EXOC2: variants seen among roughly 807,000 people sequenced by gnomAD.
EXOC2 encodes the protein SEC5-like 1.
In EXOC2, 70 loss-of-function variants were observed where a neutral mutation model predicts 131.8. The ratio of observed to expected loss-of-function variants is 0.53; its 90% CI spans 0.44 to 0.65. The LOEUF is 0.65. Ranked by LOEUF, EXOC2 falls within the 30% of genes least tolerant of loss-of-function variation. The probability of loss-of-function intolerance (pLI) is 0.00; values close to 1 mark genes in which losing one functional copy is unlikely to be tolerated. For missense variants in EXOC2, 923 were observed against 1,108.6 expected (o/e 0.83, Z 2.38); for synonymous variants, 411 against 398.4 (o/e 1.03, Z -0.38).
In EXOC2 at chr6:486,016, GAAAGCTC is replaced by G. The variant is rs1163989554; in HGVS notation, c.*648_*654del. The stretch of plus-strand genomic sequence containing the variant: ...CGACAAATTAAGAGTGAGTGAGAAT[GAAAGCTC>G]ATGCTTAGCCCTGTGAAAAATAAAA... On this transcript the variant is annotated 3_prime_UTR_variant, in exon 28 of 28. Coordinates refer to ENST00000230449, the MANE Select transcript of EXOC2 (RefSeq NM_018303.6). 2 of 152,254 alleles carry G rather than the reference GAAAGCTC, an allele frequency of 1.3e-5. No individual in the cohort carries two copies. The highest frequency in any genetic ancestry group is 4.8e-5 in the African/African-American group (2 of 41,464). The allele number at this position is 152,254 out of a possible 1,614,324, so 9.4% of individuals were successfully genotyped here.
At chr6:528,877 G>T (rs774996416) in intron 23 of EXOC2, among the ~76,000 whole-genome samples, 1 of 152,184 alleles carries the variant, frequency 6.6e-6, no homozygotes, top group Non-Finnish European at 1.5e-5. Context: ...CAGGATTCTG[G>T]GTACCTTAAA....
chr6:534,451 G>GAGAGAC (rs1362937079), intron 22 of EXOC2, among the ~76,000 whole-genome samples: 3 of 151,796 alleles, frequency 2.0e-5, no homozygotes. Flanking sequence ...GAGAGAGAGA[G>GAGAGAC]AGAGACAGAG....
intron 3 of EXOC2, among the ~76,000 whole-genome samples, chr6:631,247 A>G (rs1286709172): frequency 3.9e-5 from 6 of 152,212 alleles, no homozygotes; most frequent in African/African-American, 1.2e-4. Flanking sequence ...TCAGTTCAAG[A>G]AAGCTTTACT....
At chr6:616,513 G>A (rs1761011376) in intron 6 of EXOC2, among the ~76,000 whole-genome samples, 1 of 142,424 alleles carries the variant, frequency 7.0e-6, no homozygotes, top group Non-Finnish European at 1.5e-5. Context: ...TGAGGCAGGA[G>A]AATGGCGTGA....
chr6:590,450 G>A (rs1431880906), intron 11 of EXOC2, among the ~76,000 whole-genome samples: 1 of 152,170 alleles, frequency 6.6e-6, no homozygotes, highest in African/African-American at 2.4e-5. Flanking sequence ...AACTATGCTA[G>A]AAAGAAACAA....
chr6:686,832 A>G (rs986050974), intron 1 of EXOC2, among the ~76,000 whole-genome samples: 11 of 152,230 alleles, frequency 7.2e-5, no homozygotes, highest in Admixed American at 6.5e-4. Context: ...GCCACTGGAC[A>G]TTGATGACAT....
intron 23 of EXOC2, among the ~76,000 whole-genome samples, chr6:502,137 A>G (rs1196393192): frequency 2.0e-5 from 3 of 152,170 alleles, no homozygotes; most frequent in Non-Finnish European, 2.9e-5. Context: ...CAGCTCATGT[A>G]GACGCACAGG....
chr6:658,645 T>TTG (rs1223267048), intron 1 of EXOC2, among the ~76,000 whole-genome samples: 2 of 118,348 alleles, frequency 1.7e-5, no homozygotes, highest in Non-Finnish European at 3.5e-5. Context: ...TATATATATT[T>TTG]TATATATATA....
intron 1 of EXOC2, among the ~76,000 whole-genome samples, chr6:646,449 T>C (rs1347542272): frequency 6.6e-6 from 1 of 152,176 alleles, no homozygotes; most frequent in African/African-American, 2.4e-5. Context: ...AGGAGTTACT[T>C]TTACTATTCT....
chr6:573,314 G>A (rs1252613833), intron 12 of EXOC2, among the ~76,000 whole-genome samples: 2 of 152,226 alleles, frequency 1.3e-5, no homozygotes, highest in East Asian at 3.8e-4. Context: ...TAAAGCAAGT[G>A]TAGAAATTCA....
At chr6:530,502 T>A (rs1482738814) in intron 23 of EXOC2, among the ~76,000 whole-genome samples, 1 of 152,142 alleles carries the variant, frequency 6.6e-6, no homozygotes, top group African/African-American at 2.4e-5. Context: ...TCTGGGAGCA[T>A]CACGAATGGA....
chr6:524,493 T>C (rs1765641006), intron 23 of EXOC2, among the ~76,000 whole-genome samples: 1 of 152,220 alleles, frequency 6.6e-6, no homozygotes, highest in Non-Finnish European at 1.5e-5. Flanking sequence ...ATTGTTACAA[T>C]TTTTTGTTCC....
At chr6:554,889 A>G (rs1479286311) in intron 20 of EXOC2, among the ~76,000 whole-genome samples, 1 of 152,212 alleles carries the variant, frequency 6.6e-6, no homozygotes, top group East Asian at 1.9e-4. Context: ...AGCAAGAGCA[A>G]TGGTGCCTCC....
chr6:677,048 C>T lies in EXOC2; in HGVS notation c.-44+15971G>A, dbSNP rs1161077470. ...TCAACATTACGGAAAGGACAGCTTTCTCTGGAGACTCTGCGGTTCCCCATA... is the reference window on the plus strand; with the variant it reads ...TCAACATTACGGAAAGGACAGCTTTTTCTGGAGACTCTGCGGTTCCCCATA... On this transcript the variant is annotated intron_variant, in intron 1 of 27. Transcript: ENST00000230449. 6.8e-3 allele frequency among the ~76,000 whole-genome samples: 372 copies of T among 54,402 alleles called. 22 individuals are homozygous for T. In the East Asian group the frequency reaches 0.083, roughly 12 times the overall value. 35.7% of individuals were successfully genotyped at this position (54,402 alleles called of 152,430 possible).
chr6:516,020 CTG>C (rs1765144303), intron 23 of EXOC2, among the ~76,000 whole-genome samples: 2 of 152,170 alleles, frequency 1.3e-5, no homozygotes, highest in Admixed American at 1.3e-4. Flanking sequence ...CAGCTGTCTA[CTG>C]TGAGGCATGT....
At chr6:605,441 G>A (rs1760351413) in intron 7 of EXOC2, among the ~76,000 whole-genome samples, 1 of 152,216 alleles carries the variant, frequency 6.6e-6, no homozygotes, top group Non-Finnish European at 1.5e-5. Context: ...GAGGGTGTAT[G>A]TGTCCAGGAA....
intron 11 of EXOC2, 34 bp downstream of exon 11, chr6:592,435 G>C: frequency 6.5e-7 from 1 of 1,545,592 alleles, no homozygotes; most frequent in Non-Finnish European, 8.9e-7. Context: ...TGACATGAAG[G>C]AATCACACAA....
intron 22 of EXOC2, among the ~76,000 whole-genome samples, chr6:546,293 T>A (rs1026113201): frequency 1.1e-4 from 16 of 152,202 alleles, no homozygotes; most frequent in Non-Finnish European, 1.8e-4. Context: ...GGACGCTCCC[T>A]GTTGGCACAT....
intron 11 of EXOC2, among the ~76,000 whole-genome samples, chr6:589,348 G>A (rs1444659091): frequency 2.6e-5 from 4 of 151,496 alleles, no homozygotes; most frequent in African/African-American, 7.3e-5. Flanking sequence ...TGTCTGGAAC[G>A]CTTCTCAATG....
Sources: gnomAD v4.1 joint callset for allele counts (sites outside exome capture counted in the v4.1 genomes callset) on GRCh38, gnomAD v4.1.1 for gene constraint, MANE v1.5 for transcripts, NCBI Gene and HGNC (gene_info 2026-07-23, HGNC 2026-07-21) for gene names.